The following ILKAP variants were observed in gnomAD, a reference collection of about 807,000 sequenced individuals.
The protein encoded by ILKAP is integrin-linked kinase-associated serine/threonine phosphatase 2C.
ILKAP carries 11 observed loss-of-function variants against 49.1 expected under a neutral mutation model. The observed-to-expected ratio is 0.22, with a 90% CI of 0.14 to 0.37. ILKAP has a LOEUF of 0.37. Ranked by LOEUF, ILKAP falls within the 10% of genes least tolerant of loss-of-function variation. The probability of loss-of-function intolerance (pLI) is 1.00; values close to 1 mark genes in which losing one functional copy is unlikely to be tolerated. For missense variants in ILKAP, 363 were observed against 510.8 expected (o/e 0.71, Z 2.79); for synonymous variants, 186 against 192.8 (o/e 0.96, Z 0.29).
Position 238,170,568 on chromosome 2 carries a change from CGTT to C in ILKAP, c.1144_1146del (p.Asn382del). On this transcript the variant is annotated inframe_deletion, in exon 12 of 12. Transcript: ENST00000254654. ...CCTATCCGCACCACCATCACAGTGA[CGTT>C]GTCGGCCGAGCCCCGCTGCACCGCC... The C allele has an allele frequency of 6.2e-7, 1 of 1,607,224 alleles. No homozygotes were observed. Among genetic ancestry groups the C allele is most frequent in the Non-Finnish European group, 8.5e-7 (1 of 1,174,716 alleles).
intron 3 of ILKAP, among the ~76,000 whole-genome samples, chr2:238,192,160 T>C (rs1207596061): frequency 6.9e-6 from 1 of 144,762 alleles, no homozygotes; most frequent in African/African-American, 2.6e-5. Flanking sequence ...TGAGCTGAGA[T>C]CGCAACACTG....
chr2:238,201,326 A>G (rs962066276), intron 1 of ILKAP, among the ~76,000 whole-genome samples: 19 of 152,180 alleles, frequency 1.2e-4, no homozygotes, highest in African/African-American at 4.6e-4. Context: ...ATTGTCACTC[A>G]TTTTAGTACT....
intron 5 of ILKAP, chr2:238,185,973 A>G (rs1693893625): frequency 6.6e-6 from 1 of 152,220 alleles, no homozygotes. Context: ...AGATCTGTTA[A>G]TTCTGATTTT....
At chr2:238,170,865 T>C in intron 11 of ILKAP, 78 bp downstream of exon 11, 1 of 1,463,632 alleles carries the variant, frequency 6.8e-7, no homozygotes, top group Non-Finnish European at 9.6e-7. Context: ...TGGGAGGAAA[T>C]GGGGTCTCAG....
At chr2:238,190,323 T>G (rs1005944067) in intron 3 of ILKAP, among the ~76,000 whole-genome samples, 1 of 152,202 alleles carries the variant, frequency 6.6e-6, no homozygotes, top group African/African-American at 2.4e-5. Context: ...TTACAAAATC[T>G]GTAAGCAAAC....
In ILKAP at chr2:238,188,278, G is replaced by C. The variant is rs765301079; in HGVS notation, c.299-21C>G. On this transcript the variant is annotated intron_variant, in intron 4 of 11. Coordinates refer to ENST00000254654, the MANE Select transcript of ILKAP (RefSeq NM_030768.3). ...AGAGGCTAAGGAAAAGAGAACAAAA[G>C]AGCCAATACAAAACTGTGCCCAACC... 8.1e-6 allele frequency: 13 copies of C among 1,611,014 alleles called. No homozygotes were observed. The South Asian group carries it at 1.4e-4, about 18-fold the overall frequency.
intron 2 of ILKAP, chr2:238,194,563 A>G (rs1694268759): frequency 3.3e-6 from 2 of 605,826 alleles, no homozygotes; most frequent in Admixed American, 3.0e-5. Flanking sequence ...TTCAGGTAGT[A>G]AAATAAATAC....
At chr2:238,185,471 G>A in intron 5 of ILKAP, 184 bp from the exon 6 acceptor site, 1 of 517,890 alleles carries the variant, frequency 1.9e-6, no homozygotes, top group Non-Finnish European at 3.5e-6. Flanking sequence ...AAATATTTAA[G>A]TAACTTTCAC....
At chr2:238,183,228 TCTC>T (rs1484609155) in intron 8 of ILKAP, among the ~76,000 whole-genome samples, 1 of 152,126 alleles carries the variant, frequency 6.6e-6, no homozygotes, top group Non-Finnish European at 1.5e-5. Flanking sequence ...TAGCTACAGC[TCTC>T]AAGTTACTCT....
At chr2:238,193,103 A>T (rs901464097) in intron 3 of ILKAP, among the ~76,000 whole-genome samples, 1 of 152,264 alleles carries the variant, frequency 6.6e-6, no homozygotes, top group African/African-American at 2.4e-5. Context: ...TAATAGTGTT[A>T]TGTAAATCTT....
At chr2:238,189,395 G>C (rs763956591) in intron 4 of ILKAP, among the ~76,000 whole-genome samples, 1 of 152,128 alleles carries the variant, frequency 6.6e-6, no homozygotes, top group African/African-American at 2.4e-5. Flanking sequence ...AATACTTTTC[G>C]TTTTCTTCCT....
chr2:238,174,462 G>C (rs765555422), intron 9 of ILKAP, among the ~76,000 whole-genome samples: 1 of 152,242 alleles, frequency 6.6e-6, no homozygotes, highest in Non-Finnish European at 1.5e-5. Context: ...ACGTGTGAGA[G>C]AGCACTCCGC....
intron 10 of ILKAP, among the ~76,000 whole-genome samples, chr2:238,172,243 G>A (rs1176248326): frequency 6.6e-6 from 1 of 152,102 alleles, no homozygotes. Context: ...GTAGAGATGA[G>A]GTTTTGCCAT....
At chr2:238,170,804 A>T in intron 11 of ILKAP, 128 bp from the exon 12 acceptor site, 1 of 1,468,284 alleles carries the variant, frequency 6.8e-7, no homozygotes, top group Non-Finnish European at 9.5e-7. Context: ...CTGACCAGTG[A>T]GTCAGTAGGC....
Position 238,172,736 on chromosome 2 carries a change from C to T in ILKAP, c.956+798G>A, listed in dbSNP as rs1290184275. Among the ~76,000 whole-genome samples the T allele has an allele frequency of 2.0e-5, 3 of 152,240 alleles. No individual in the cohort carries two copies. In the South Asian group the frequency reaches 6.2e-4, roughly 31 times the overall value. On this transcript the variant is annotated intron_variant, in intron 10 of 11. Coordinates refer to ENST00000254654, the MANE Select transcript of ILKAP (RefSeq NM_030768.3). The stretch of plus-strand genomic sequence containing the variant: ...CGCAGCACTGGGGCGGGACTCAGAG[C>T]AGCACTCGGAGGCCCACTCGCCACA...
intron 3 of ILKAP, among the ~76,000 whole-genome samples, chr2:238,193,809 G>A (rs1367164843): frequency 2.0e-5 from 3 of 152,160 alleles, no homozygotes; most frequent in African/African-American, 4.8e-5. Context: ...AAGTTCTCAT[G>A]AGACAGAATC....
chr2:238,194,864 T>C lies in ILKAP; in HGVS notation c.62A>G (p.Glu21Gly). Residue 21 changes from glutamate to glycine, a missense_variant, in exon 2 of 12, where the codon GAA becomes GGA. Glu to Gly is a moderately conservative substitution (Grantham distance 98, BLOSUM62 -2). Around this residue, in one of 3 missense-constraint regions of ILKAP, gnomAD observed 114 missense variants for 116.0 expected, o/e 0.98. Transcript: ENST00000254654. ...AAAGAGCAGGGGTCCTTTCTGAGCT[T>C]CTTTCCCTAAAACACAGAAAACCTG... is the stretch of plus-strand genomic sequence containing the variant. ...ERSPRPAAGK[E>G]AQKGPLLFDD... The C allele has an allele frequency of 6.2e-7, 1 of 1,613,974 alleles. No individual in the cohort carries two copies. The highest frequency in any genetic ancestry group is 8.5e-7 in the Non-Finnish European group (1 of 1,179,824).
At chr2:238,178,512 A>T (rs1057364985) in intron 9 of ILKAP, among the ~76,000 whole-genome samples, 1 of 152,248 alleles carries the variant, frequency 6.6e-6, no homozygotes, top group Non-Finnish European at 1.5e-5. Context: ...TGATACTATG[A>T]AACTGTTTTA....
intron 9 of ILKAP, among the ~76,000 whole-genome samples, chr2:238,181,223 T>C (rs1456529386): frequency 6.6e-6 from 1 of 152,228 alleles, no homozygotes; most frequent in Non-Finnish European, 1.5e-5. Flanking sequence ...GATAGGTAAG[T>C]GCAGTCTTAT....
Sources: gnomAD v4.1 joint callset for allele counts (sites outside exome capture counted in the v4.1 genomes callset) on GRCh38, gnomAD v4.1.1 for gene constraint, gnomAD v4.1.1 regional missense constraint, MANE v1.5 for transcripts, NCBI Gene and HGNC (gene_info 2026-07-23, HGNC 2026-07-21) for gene names.